Variants in LMNTD1 observed in about 807,000 individuals in gnomAD.
LMNTD1 encodes the protein lamin tail domain-containing protein 1.
A neutral mutation model predicts 50.9 loss-of-function variants in LMNTD1; 35 were observed. The ratio of observed to expected loss-of-function variants is 0.69; its 90% CI spans 0.53 to 0.91. LMNTD1 has a LOEUF of 0.91. Among genes scored for constraint, LMNTD1 ranks in the 40% least tolerant of loss-of-function variants. The pLI, the probability that LMNTD1 is intolerant of heterozygous loss-of-function variation, is 0.00. For synonymous variants in LMNTD1, 153 were observed against 161.9 expected, an observed-to-expected ratio of 0.94 and a Z score of 0.42; for missense variants, 470 against 475.5, an observed-to-expected ratio of 0.99 and a Z score of 0.11.
intron 8 of LMNTD1, among the ~76,000 whole-genome samples, chr12:25,511,563 T>C (rs913585113): frequency 6.6e-5 from 10 of 152,106 alleles, no homozygotes; most frequent in African/African-American, 2.2e-4. Flanking sequence ...AGATAAAGAG[T>C]TTGGAATCTT....
In LMNTD1 at chr12:25,549,502, G is replaced by A. The variant is rs1364601602; in HGVS notation, c.134C>T (p.Pro45Leu). Residue 45 changes from proline to leucine, a missense_variant, in exon 3 of 10, where the codon CCA becomes CTA. By Grantham distance (98) the Pro-to-Leu change is moderately conservative (BLOSUM62 -3). Transcript: ENST00000458174. ...TGTGGCAACTGAACCCAACATCTTTGGGGAAAAATGTACTAAAGAATATAC... is the reference window on the plus strand; with the variant it reads ...TGTGGCAACTGAACCCAACATCTTTAGGGAAAAATGTACTAAAGAATATAC... ...LGVYSLVHFS[P>L]KMLGSVATTL... 1.2e-6 allele frequency: 2 copies of A among 1,612,334 alleles called. No individual in the cohort carries two copies. The highest frequency in any genetic ancestry group is 1.7e-6 in the Non-Finnish European group (2 of 1,178,944).
chr12:25,512,873 G>C (rs969822634), intron 8 of LMNTD1, among the ~76,000 whole-genome samples: 6 of 151,446 alleles, frequency 4.0e-5, no homozygotes, highest in African/African-American at 1.2e-4. Flanking sequence ...ATGGGGGGGG[G>C]CTTTAATGAA....
chr12:25,590,589 A>G (rs920598057), intron 1 of LMNTD1, among the ~76,000 whole-genome samples: 1 of 152,228 alleles, frequency 6.6e-6, no homozygotes, highest in Non-Finnish European at 1.5e-5. Flanking sequence ...GGGTGCTAGC[A>G]TCAACCCTTC....
At chr12:25,542,984 G>A (rs1351800792) in intron 4 of LMNTD1, among the ~76,000 whole-genome samples, 2 of 151,766 alleles carry the variant, frequency 1.3e-5, no homozygotes, top group African/African-American at 4.8e-5. Flanking sequence ...AAAAGGATAA[G>A]AGAATATTAT....
At chr12:25,620,631 G>A (rs1282290417) in intron 1 of LMNTD1, among the ~76,000 whole-genome samples, 4 of 152,096 alleles carry the variant, frequency 2.6e-5, no homozygotes, top group Admixed American at 1.3e-4. Flanking sequence ...TTCTCACAGA[G>A]CAGGGCCAGT....
chr12:25,542,825 A>T (rs1187583610), intron 4 of LMNTD1, among the ~76,000 whole-genome samples: 3 of 151,656 alleles, frequency 2.0e-5, no homozygotes, highest in Non-Finnish European at 2.9e-5. Flanking sequence ...AAAAAACAAA[A>T]AATAGGGGAA....
rs188292716 is a variant in LMNTD1, at chr12:25,619,395, C to T, written c.58+29099G>A. Among the ~76,000 whole-genome samples, 7 of 152,186 alleles carry T rather than the reference C, an allele frequency of 4.6e-5. No individual in the cohort carries two copies. In the East Asian group the frequency reaches 1.4e-3, roughly 29 times the overall value. On this transcript the variant is annotated intron_variant, in intron 1 of 7. Coordinates refer to the LMNTD1 transcript ENST00000445693. ...AAAGTTCTATACGCAAAACATACAACAAAGTTAAAACACATTATAGCCCTT... is the reference window on the plus strand; with the variant it reads ...AAAGTTCTATACGCAAAACATACAATAAAGTTAAAACACATTATAGCCCTT...
At chr12:25,522,213 C>T (rs376577821) in intron 6 of LMNTD1, among the ~76,000 whole-genome samples, 21 of 152,140 alleles carry the variant, frequency 1.4e-4, no homozygotes, top group African/African-American at 2.7e-4. Context: ...ACTTTTGCTA[C>T]AGATCATTAG....
At chr12:25,571,995 G>A (rs530695272) in intron 1 of LMNTD1, among the ~76,000 whole-genome samples, 1 of 152,276 alleles carries the variant, frequency 6.6e-6, no homozygotes, top group South Asian at 2.1e-4. Context: ...TTCTATAAAG[G>A]TAGGAAAGGT....
Position 25,553,068 on chromosome 12 carries a change from C to A in LMNTD1, c.-31+1G>T, listed in dbSNP as rs760488875. 1.9e-6 allele frequency: 3 copies of A among 1,612,862 alleles called. No homozygotes were observed. Among genetic ancestry groups the A allele is most frequent in the Non-Finnish European group, 1.7e-6 (2 of 1,178,900 alleles). On this transcript the variant is annotated splice_donor_variant, in intron 1 of 9. Transcript: ENST00000458174. LOFTEE classifies it low-confidence loss of function (5UTR_SPLICE). ...GATTTTTCTTTTCAAAGTGACCTCA[C>A]CTGTTAATCCAACTACCTTCAAGCA...
At chr12:25,561,344 C>T (rs887748854) in intron 1 of LMNTD1, among the ~76,000 whole-genome samples, 1 of 152,288 alleles carries the variant, frequency 6.6e-6, no homozygotes, top group Middle Eastern at 3.4e-3. Flanking sequence ...TTCATTGTGT[C>T]TTTGTTCTCC....
intron 1 of LMNTD1, among the ~76,000 whole-genome samples, chr12:25,616,754 A>G (rs779569502): frequency 6.6e-6 from 1 of 152,038 alleles, no homozygotes; most frequent in Non-Finnish European, 1.5e-5. Context: ...GTATGTTATG[A>G]TTTCCCTTAT....
chr12:25,636,213 G>A (rs1313183688), intron 1 of LMNTD1, among the ~76,000 whole-genome samples: 2 of 152,220 alleles, frequency 1.3e-5, no homozygotes, highest in South Asian at 2.1e-4. Flanking sequence ...CAGAGTGGGA[G>A]AAAATCTGCA....
At chr12:25,603,640 T>C (rs1213969317) in intron 1 of LMNTD1, among the ~76,000 whole-genome samples, 1 of 152,022 alleles carries the variant, frequency 6.6e-6, no homozygotes, top group African/African-American at 2.4e-5. Flanking sequence ...CTAGGTCTTA[T>C]AGGGGATTAA....
At position 25,626,569 on chromosome 12, in the gene LMNTD1, T is replaced by C. The variant is rs546413752; in HGVS notation, c.58+21925A>G. Among the ~76,000 whole-genome samples the C allele has an allele frequency of 2.6e-5, 4 of 152,322 alleles. No individual in the cohort carries two copies. The East Asian group carries it at 7.7e-4, about 29-fold the overall frequency. On this transcript the variant is annotated intron_variant, in intron 1 of 7. Coordinates refer to the LMNTD1 transcript ENST00000445693. The stretch of plus-strand genomic sequence containing the variant: ...ATTTGACTAATATACCTAGTGATTC[T>C]TTAGGCTGAATTTCCTAACAGTACT...
chr12:25,549,996 ATT>A (rs1042538103), intron 2 of LMNTD1, among the ~76,000 whole-genome samples: 13 of 152,102 alleles, frequency 8.5e-5, no homozygotes, highest in Non-Finnish European at 1.5e-4. Context: ...TTAATATATC[ATT>A]GTTTCCTATA....
intron 1 of LMNTD1, among the ~76,000 whole-genome samples, chr12:25,564,937 T>C (rs1159971775): frequency 6.6e-6 from 1 of 152,192 alleles, no homozygotes; most frequent in Non-Finnish European, 1.5e-5. Context: ...TTTTAAACTG[T>C]TATAACCTCT....
At chr12:25,579,086 G>T (rs981664308) in intron 1 of LMNTD1, among the ~76,000 whole-genome samples, 3 of 152,168 alleles carry the variant, frequency 2.0e-5, no homozygotes, top group Non-Finnish European at 4.4e-5. Flanking sequence ...TAAAGGAGGA[G>T]TAATTACATA....
intron 8 of LMNTD1, among the ~76,000 whole-genome samples, chr12:25,510,222 C>T: frequency 6.6e-6 from 1 of 150,848 alleles, no homozygotes; most frequent in South Asian, 2.1e-4. Context: ...TGTGGATTTG[C>T]CATTAATGAA....
Sources: allele counts gnomAD v4.1 joint callset (sites outside exome capture counted in the v4.1 genomes callset), GRCh38; gene constraint gnomAD v4.1.1; transcripts MANE v1.5; gene names NCBI Gene and HGNC (gene_info 2026-07-23, HGNC 2026-07-21).